The following SEPTIN9 variants were observed in gnomAD, a reference collection of about 807,000 sequenced individuals.
The protein encoded by SEPTIN9 is septin-9.
A neutral mutation model predicts 56.6 loss-of-function variants in SEPTIN9; 13 were observed. The ratio of observed to expected loss-of-function variants is 0.23; its 90% CI spans 0.15 to 0.37. The LOEUF is 0.37. SEPTIN9 is among the 10% of genes least tolerant of loss of function. SEPTIN9 has a pLI of 1.00. For missense variants in SEPTIN9, 650 were observed against 823.1 expected (o/e 0.79, Z 2.57); for synonymous variants, 332 against 334.1 (o/e 0.99, Z 0.07).
At chr17:77,470,558 C>G (rs996001044) in intron 3 of SEPTIN9, among the ~76,000 whole-genome samples, 1 of 152,116 alleles carries the variant, frequency 6.6e-6, no homozygotes, top group African/African-American at 2.4e-5. Flanking sequence ...ACTCATCCAC[C>G]TATCTACTCA....
intron 2 of SEPTIN9, among the ~76,000 whole-genome samples, chr17:77,372,988 ATC>A (rs2034769890): frequency 1.3e-5 from 2 of 151,894 alleles, no homozygotes. Context: ...AAGGGGAGGA[ATC>A]TCTTCCCCTC....
Position 77,326,776 on chromosome 17 carries a change from C to A in SEPTIN9, c.76+19579C>A, listed in dbSNP as rs1274740165. 6.6e-6 allele frequency among the ~76,000 whole-genome samples: 1 copy of A among 152,158 alleles called. No individual in the cohort carries two copies. The highest frequency in any genetic ancestry group is 1.5e-5 in the Non-Finnish European group (1 of 68,032). Reference sequence around the variant, plus strand: ...GGTAGAATCACAAGGTTCAGCACCACCCCGCAACCTCCAGGTAGGGGAGAG... The same window carrying A: ...GGTAGAATCACAAGGTTCAGCACCAACCCGCAACCTCCAGGTAGGGGAGAG... On this transcript the variant is annotated intron_variant, in intron 2 of 11. Coordinates refer to ENST00000427177, the MANE Select transcript of SEPTIN9 (RefSeq NM_001113491.2). This position sits in a 1 kb window ranked among gnomAD's most constrained non-coding sequence, Gnocchi z 5.1.
At chr17:77,423,634 C>T (rs2036783932) in intron 3 of SEPTIN9, among the ~76,000 whole-genome samples, 1 of 152,284 alleles carries the variant, frequency 6.6e-6, no homozygotes, top group Admixed American at 6.5e-5. Context: ...CAGCGCCTCC[C>T]CTTCCCCGGC....
chr17:77,385,164 CTTT>C (rs530528683), intron 2 of SEPTIN9, among the ~76,000 whole-genome samples: 10 of 123,486 alleles, frequency 8.1e-5, no homozygotes, highest in Non-Finnish European at 3.4e-5. Flanking sequence ...AGACCCCCAC[CTTT>C]TTTTTTTTTT....
intron 2 of SEPTIN9, among the ~76,000 whole-genome samples, chr17:77,321,452 T>G (rs1484047032): frequency 6.7e-6 from 1 of 149,810 alleles, no homozygotes; most frequent in Admixed American, 6.7e-5. Context: ...CAGGCTGGAG[T>G]GCAGTGGCGC....
chr17:77,440,985 A>G (rs866682727), intron 3 of SEPTIN9, among the ~76,000 whole-genome samples: 4 of 152,290 alleles, frequency 2.6e-5, no homozygotes, highest in South Asian at 2.1e-4. Context: ...GTCTGGCACA[A>G]AGGGTTTGTG....
intron 3 of SEPTIN9, among the ~76,000 whole-genome samples, chr17:77,407,075 A>C (rs894974646): frequency 6.6e-6 from 1 of 152,018 alleles, no homozygotes; most frequent in African/African-American, 2.4e-5. Flanking sequence ...TGAGCCCAGG[A>C]GTTTGGGACT....
At chr17:77,471,723 G>A (rs189464635) in intron 3 of SEPTIN9, among the ~76,000 whole-genome samples, 2 of 152,242 alleles carry the variant, frequency 1.3e-5, no homozygotes, top group Non-Finnish European at 2.9e-5. Flanking sequence ...CTTTCTCTTT[G>A]TAAGTTTGCA....
At chr17:77,282,576 C>T (rs1196574468) in intron 1 of SEPTIN9, among the ~76,000 whole-genome samples, 1 of 152,200 alleles carries the variant, frequency 6.6e-6, no homozygotes, top group Admixed American at 6.5e-5. Context: ...TTTCCTCTGG[C>T]TTTCCATATT....
At chr17:77,331,269 G>C (rs1817766036) in intron 2 of SEPTIN9, among the ~76,000 whole-genome samples, 1 of 152,220 alleles carries the variant, frequency 6.6e-6, no homozygotes, top group African/African-American at 2.4e-5. Context: ...AAAGTCAAGG[G>C]TCTTCAGTGT....
At chr17:77,455,722 A>G (rs2038170436) in intron 3 of SEPTIN9, among the ~76,000 whole-genome samples, 1 of 152,198 alleles carries the variant, frequency 6.6e-6, no homozygotes, top group East Asian at 1.9e-4. Flanking sequence ...TGTCTTGTCG[A>G]TCCACGTCCT....
intron 10 of SEPTIN9, among the ~76,000 whole-genome samples, chr17:77,494,976 C>T (rs1045206829): frequency 6.6e-6 from 1 of 152,246 alleles, no homozygotes; most frequent in Admixed American, 6.5e-5. Context: ...CTTGGCCCCT[C>T]TGCCTGCAGT....
intron 2 of SEPTIN9, among the ~76,000 whole-genome samples, chr17:77,361,108 G>C (rs2034403682): frequency 6.6e-6 from 1 of 152,010 alleles, no homozygotes; most frequent in Admixed American, 6.6e-5. Flanking sequence ...ATTTTTAGTA[G>C]AGATGGGGTT....
intron 2 of SEPTIN9, among the ~76,000 whole-genome samples, chr17:77,356,009 C>T (rs995152764): frequency 5.2e-5 from 7 of 133,658 alleles, no homozygotes; most frequent in African/African-American, 1.9e-4. Context: ...GAAGTGCTCC[C>T]AGCTCTTCCT....
chr17:77,417,764 A>T (rs967965765), intron 3 of SEPTIN9, among the ~76,000 whole-genome samples: 4 of 152,226 alleles, frequency 2.6e-5, no homozygotes, highest in African/African-American at 9.6e-5. Flanking sequence ...TCATAGGTCC[A>T]CCGTCCAGCC....
intron 3 of SEPTIN9, among the ~76,000 whole-genome samples, chr17:77,447,557 A>G (rs16970131): frequency 0.013 from 1,930 of 152,388 alleles, 13 homozygotes; most frequent in Middle Eastern, 0.02. Flanking sequence ...AGTCGTCGTC[A>G]GTCACAGTAA....
intron 1 of SEPTIN9, among the ~76,000 whole-genome samples, chr17:77,287,490 C>T (rs1208471498): frequency 2.0e-5 from 3 of 152,198 alleles, no homozygotes; most frequent in Non-Finnish European, 4.4e-5. Flanking sequence ...AAGCGTCTGC[C>T]GGGCGCTGCT....
At chr17:77,455,563 C>T (rs1371875487) in intron 3 of SEPTIN9, among the ~76,000 whole-genome samples, 2 of 152,220 alleles carry the variant, frequency 1.3e-5, no homozygotes, top group Non-Finnish European at 2.9e-5. Flanking sequence ...CCAGGGGCCA[C>T]CACAGGACCA....
chr17:77,457,613 C>T (rs55941409), intron 3 of SEPTIN9, among the ~76,000 whole-genome samples: 1,581 of 152,362 alleles, frequency 0.01, 11 homozygotes, highest in Middle Eastern at 0.031. Flanking sequence ...GGCAAGACCC[C>T]TCCTCCCAGT....
Sources: gnomAD v4.1 joint callset for allele counts (sites outside exome capture counted in the v4.1 genomes callset) on GRCh38, gnomAD v4.1.1 for gene constraint, Gnocchi (gnomAD v3.1) non-coding constraint, MANE v1.5 for transcripts, NCBI Gene and HGNC (gene_info 2026-07-23, HGNC 2026-07-21) for gene names.